Variants in BAZ1A observed in about 807,000 individuals in gnomAD.
The protein encoded by BAZ1A is bromodomain adjacent to zinc finger domain 1A, also known as bromodomain adjacent to zinc finger domain protein 1A.
BAZ1A carries 50 observed loss-of-function variants against 185.2 expected under a neutral mutation model. The ratio of observed to expected loss-of-function variants is 0.27; its 90% CI spans 0.22 to 0.34. The LOEUF (loss-of-function observed/expected upper bound fraction) is 0.34, where lower values mean the gene tolerates loss of function less well. BAZ1A is among the 10% of genes least tolerant of loss of function. The pLI is 1.00. For synonymous variants in BAZ1A, 571 were observed against 615.6 expected, an observed-to-expected ratio of 0.93 and a Z score of 1.07; for missense variants, 1,356 against 1,839.9, an observed-to-expected ratio of 0.74 and a Z score of 4.81.
chr14:34,787,700 C>G (rs932999970), intron 12 of BAZ1A, among the ~76,000 whole-genome samples: 1 of 151,904 alleles, frequency 6.6e-6, no homozygotes, highest in African/African-American at 2.4e-5. Flanking sequence ...CAAAACAAAA[C>G]AAAACAAAAA....
chr14:34,818,999 GGCGTGGTGGCAGGC>G (rs1010087743), intron 4 of BAZ1A, among the ~76,000 whole-genome samples: 1 of 151,782 alleles, frequency 6.6e-6, no homozygotes, highest in African/African-American at 2.4e-5. Flanking sequence ...AAATTAGCCG[GGCGTGGTGGCAGGC>G]GCCTGTAGTC....
At chr14:34,805,156 C>G (rs550730869) in intron 6 of BAZ1A, among the ~76,000 whole-genome samples, 1 of 152,124 alleles carries the variant, frequency 6.6e-6, no homozygotes, top group Non-Finnish European at 1.5e-5. Flanking sequence ...GAGGCCTCCC[C>G]AGAAGCAGAA....
intron 3 of BAZ1A, among the ~76,000 whole-genome samples, chr14:34,843,898 T>C (rs2042457416): frequency 6.6e-6 from 1 of 152,110 alleles, no homozygotes; most frequent in African/African-American, 2.4e-5. Context: ...CTCATCACCT[T>C]TGCAAGCTAA....
At position 34,764,778 on chromosome 14, in the gene BAZ1A, T is replaced by G. The variant is rs1409317687; in HGVS notation, c.3705A>C (p.Glu1235Asp). ...CATACTCTTCCTCCTCACTTTGACCTTCTTCTTCATCGCCATCAACTTCAT... is the reference window on the plus strand; with the variant it reads ...CATACTCTTCCTCCTCACTTTGACCGTCTTCTTCATCGCCATCAACTTCAT... Reference protein sequence around the residue: ...EDDEVDGDEEEGQSEEEEYEV... With the variant: ...EDDEVDGDEEDGQSEEEEYEV... Residue 1235 changes from glutamate to aspartate, a missense_variant, in exon 23 of 27, where the codon GAA becomes GAC. Transcript: ENST00000360310. 9 of 1,610,608 alleles carry G rather than the reference T, an allele frequency of 5.6e-6. No individual in the cohort carries two copies. Among genetic ancestry groups the G allele is most frequent in the Admixed American group, 3.3e-5 (2 of 59,994 alleles).
intron 2 of BAZ1A, among the ~76,000 whole-genome samples, chr14:34,871,071 A>T (rs1257553982): frequency 2.0e-5 from 3 of 152,218 alleles, no homozygotes; most frequent in African/African-American, 4.8e-5. Context: ...CTAAAAAAAA[A>T]GTTATTTTAT....
intron 3 of BAZ1A, among the ~76,000 whole-genome samples, chr14:34,854,568 C>T (rs2042645325): frequency 6.6e-6 from 1 of 152,008 alleles, no homozygotes; most frequent in African/African-American, 2.4e-5. Context: ...AGTATTACTC[C>T]CCCAGTAAAA....
intron 17 of BAZ1A, among the ~76,000 whole-genome samples, chr14:34,777,223 C>T (rs916031764): frequency 1.3e-5 from 2 of 152,208 alleles, no homozygotes; most frequent in Non-Finnish European, 2.9e-5. Flanking sequence ...CAAAAGCAAT[C>T]ACAGGCAACA....
chr14:34,794,435 A>G (rs1489356052), intron 11 of BAZ1A, among the ~76,000 whole-genome samples: 1 of 152,184 alleles, frequency 6.6e-6, no homozygotes, highest in Non-Finnish European at 1.5e-5. Context: ...GCTCTGACCA[A>G]TGGAATGTGG....
In BAZ1A at chr14:34,792,166, C is replaced by T. The variant is rs1314229440; in HGVS notation, c.1510+609G>A. 2.0e-5 allele frequency among the ~76,000 whole-genome samples: 3 copies of T among 152,112 alleles called. No individual in the cohort carries two copies. In the South Asian group the frequency reaches 6.2e-4, roughly 31 times the overall value. ...TGGGAGGCCAAGGCGGGTGGATCAC[C>T]TGAGGTCAGAAGTTCGAGACCAGCC... On this transcript the variant is annotated intron_variant, in intron 12 of 26. Transcript: ENST00000360310.
chr14:34,794,089 G>A (rs867376123), intron 11 of BAZ1A, among the ~76,000 whole-genome samples: 15 of 151,880 alleles, frequency 9.9e-5, no homozygotes, highest in South Asian at 8.3e-4. Context: ...CCGAGATTGC[G>A]CCACTGCACT....
chr14:34,850,524 A>G (rs560336632), intron 3 of BAZ1A, among the ~76,000 whole-genome samples: 3 of 152,358 alleles, frequency 2.0e-5, no homozygotes, highest in Non-Finnish European at 4.4e-5. Flanking sequence ...AAGCACATGG[A>G]TGAACACTGT....
chr14:34,796,149 C>CACATAT (rs1356179836), intron 9 of BAZ1A, among the ~76,000 whole-genome samples: 7 of 133,972 alleles, frequency 5.2e-5, no homozygotes, highest in Admixed American at 4.0e-4. Flanking sequence ...AAAATACAAA[C>CACATAT]ACATATACAT....
intron 4 of BAZ1A, among the ~76,000 whole-genome samples, chr14:34,813,465 C>G (rs966734390): frequency 6.6e-5 from 10 of 151,544 alleles, no homozygotes; most frequent in Non-Finnish European, 1.3e-4. Flanking sequence ...GGTGGATCAC[C>G]TGAGGTCAGG....
In BAZ1A at chr14:34,874,816, G is replaced by C. The variant is rs1459511426; in HGVS notation, c.-58-154C>G. On this transcript the variant is annotated intron_variant, in intron 1 of 26. Transcript: ENST00000360310. This position sits in a 1 kb window ranked among gnomAD's most constrained non-coding sequence, Gnocchi z 4.7. ...GCCGAGTTCGTTCCTGCCGCTGCCC[G>C]GGTGTCGAGCGAGCGGAGCCGCCGC... 1.3e-5 allele frequency: 6 copies of C among 477,566 alleles called. No homozygotes were observed. Among genetic ancestry groups the C allele is most frequent in the Admixed American group, 4.4e-5 (1 of 22,834 alleles). The allele number at this position is 477,566 out of a possible 1,614,324, so 29.6% of individuals were successfully genotyped here.
At position 34,786,192 on chromosome 14, in the gene BAZ1A, CT is replaced by C; in HGVS notation, c.1539del (p.Asp514ThrfsTer26). 1 of 1,613,610 alleles carries C rather than the reference CT, an allele frequency of 6.2e-7. No individual in the cohort carries two copies. Among genetic ancestry groups the C allele is most frequent in the Non-Finnish European group, 8.5e-7 (1 of 1,179,886 alleles). ...GCAGACAGTGCAGATTTTGTGGGGT[CT>C]GCATCTTCATCCAAAGCCTCTGTTA... ...KDLTEALDED[A>X]DPTKSALSAV... On this transcript the variant is annotated frameshift_variant, in exon 13 of 27. Coordinates refer to ENST00000360310, the MANE Select transcript of BAZ1A (RefSeq NM_013448.3). LOFTEE classifies it high-confidence loss of function.
chr14:34,848,049 G>A (rs894173355), intron 3 of BAZ1A, among the ~76,000 whole-genome samples: 4 of 152,072 alleles, frequency 2.6e-5, no homozygotes, highest in Middle Eastern at 3.4e-3. Context: ...TTTTATAGAG[G>A]CGGGGTTTTG....
At chr14:34,842,459 G>T (rs2042431361) in intron 3 of BAZ1A, among the ~76,000 whole-genome samples, 1 of 152,084 alleles carries the variant, frequency 6.6e-6, no homozygotes, top group South Asian at 2.1e-4. Context: ...TTAAGCAGCA[G>T]GGCAACCCAT....
intron 3 of BAZ1A, among the ~76,000 whole-genome samples, chr14:34,827,731 T>A (rs1490554028): frequency 1.0e-5 from 1 of 95,294 alleles, no homozygotes; most frequent in African/African-American, 3.5e-5. Context: ...CAAGACTCTG[T>A]CTCAAAAAAA....
Position 34,760,312 on chromosome 14 carries a change from A to C in BAZ1A, c.4243+1445T>G, listed in dbSNP as rs114739885. ...AAGCAAAACAGATAAGTGGATAGGA[A>C]AAGCTAAATTAGATCCTGACTGGTA... On this transcript the variant is annotated intron_variant, in intron 24 of 26. Transcript: ENST00000360310. 4.3e-3 allele frequency among the ~76,000 whole-genome samples: 661 copies of C among 152,322 alleles called. 10 individuals are homozygous for C. Among genetic ancestry groups the C allele is most frequent in the African/African-American group, 0.015 (618 of 41,572 alleles).
Sources: gnomAD v4.1 joint callset for allele counts (sites outside exome capture counted in the v4.1 genomes callset) on GRCh38, gnomAD v4.1.1 for gene constraint, Gnocchi (gnomAD v3.1) non-coding constraint, MANE v1.5 for transcripts, NCBI Gene and HGNC (gene_info 2026-07-23, HGNC 2026-07-21) for gene names.